The following MRGPRX2 variants were observed in gnomAD, a reference collection of about 807,000 sequenced individuals.
MRGPRX2 encodes mas-related G protein-coupled receptor member X2.
For missense variants in MRGPRX2, 389 were observed against 404.5 expected, an observed-to-expected ratio of 0.96 and a Z score of 0.33; for synonymous variants, 183 against 175.6, an observed-to-expected ratio of 1.04 and a Z score of -0.33.
At position 19,056,425 on chromosome 11, in the gene MRGPRX2, C is replaced by A. The variant is rs550254746; in HGVS notation, c.-23G>T. The A allele has an allele frequency of 6.1e-5, 97 of 1,588,400 alleles. 3 individuals are homozygous for A. The South Asian group carries it at 1.0e-3, about 17-fold the overall frequency. On this transcript the variant is annotated splice_region_variant and 5_prime_UTR_variant, in exon 2 of 2. Transcript: ENST00000329773. ...CATGCTCAGAAAACCTCCACTGGTG[C>A]CCCTGGAAACAAAAACAAGACTTGA...
rs752469941 is a variant in MRGPRX2, at chr11:19,055,640, C to T, written c.763G>A (p.Val255Ile). The change falls in exon 2 of 2, where the codon GTC becomes ATC. Residue 255 changes from valine to isoleucine, a missense_variant. Physicochemically the swap from Val to Ile is conservative, Grantham distance 29. Coordinates refer to ENST00000329773, the MANE Select transcript of MRGPRX2 (RefSeq NM_054030.4). ...LILWIWKDSDVLFCHIHPVSV... is the reference protein window; with the variant it reads ...LILWIWKDSDILFCHIHPVSV... The stretch of plus-strand genomic sequence containing the variant: ...ACTGGATGAATATGACAAAATAAGA[C>T]ATCAGAATCCTTCCAGATCCATAAT... The T allele has an allele frequency of 6.2e-7, 1 of 1,614,138 alleles. No homozygotes were observed. The highest frequency in any genetic ancestry group is 1.1e-5 in the South Asian group (1 of 91,074).
At chr11:19,056,461 C>T (rs568579659) in intron 1 of MRGPRX2, 34 bp from the exon 2 acceptor site, 2 of 1,554,688 alleles carry the variant, frequency 1.3e-6, no homozygotes, top group South Asian at 2.4e-5. Flanking sequence ...GCACCTGCTG[C>T]ATGTTCACTG....
At chr11:19,060,130 G>C (rs983847770) in intron 1 of MRGPRX2, among the ~76,000 whole-genome samples, 1 of 152,180 alleles carries the variant, frequency 6.6e-6, no homozygotes, top group Non-Finnish European at 1.5e-5. Context: ...ACTATCACTT[G>C]CCTTTGAGGG....
At chr11:19,059,507 T>C (rs1849648822) in intron 1 of MRGPRX2, among the ~76,000 whole-genome samples, 1 of 152,144 alleles carries the variant, frequency 6.6e-6, no homozygotes, top group Admixed American at 6.5e-5. Context: ...ACCTATGTAC[T>C]CCCAATCCCT....
chr11:19,057,948 C>T (rs1437265616), intron 1 of MRGPRX2, among the ~76,000 whole-genome samples: 2 of 152,266 alleles, frequency 1.3e-5, no homozygotes, highest in Non-Finnish European at 2.9e-5. Flanking sequence ...CTTGCAGCCC[C>T]ATTGCAAGGG....
chr11:19,056,013 G>A lies in MRGPRX2; in HGVS notation c.390C>T (p.Ser130=), dbSNP rs190356221. The A allele has an allele frequency of 1.4e-5, 23 of 1,614,232 alleles. No individual in the cohort carries two copies. Among genetic ancestry groups the A allele is most frequent in the East Asian group, 1.1e-4 (5 of 44,882 alleles). ...LSTVSTERCL[S]VLWPIWYRCR... Reference sequence around the variant, plus strand: ...AGCGATACCAGATGGGCCACAGGACGGACAGGCAGCGCTCGGTGCTGACGG... The same window carrying A: ...AGCGATACCAGATGGGCCACAGGACAGACAGGCAGCGCTCGGTGCTGACGG... Residue 130 remains serine (S), a synonymous_variant, in exon 2 of 2, where the codon TCC becomes TCT. Coordinates refer to ENST00000329773, the MANE Select transcript of MRGPRX2 (RefSeq NM_054030.4).
At chr11:19,060,497 G>A (rs1849659701) in intron 1 of MRGPRX2, 122 bp downstream of exon 1, 1 of 152,216 alleles carries the variant, frequency 6.6e-6, no homozygotes, top group African/African-American at 2.4e-5. Context: ...TAAGCTGCCA[G>A]CATCCAAAGC....
At chr11:19,057,203 A>T (rs775716368) in intron 1 of MRGPRX2, among the ~76,000 whole-genome samples, 6 of 152,210 alleles carry the variant, frequency 3.9e-5, no homozygotes. Context: ...ACTAAAAAAC[A>T]CACATGTAAA....
Position 19,056,385 on chromosome 11 carries a change from CG to C in MRGPRX2, c.17del (p.Pro6ArgfsTer10). ...CTGTTGTACTTTCTGTTCCCCAGGC[CG>C]GGGTGGTTGGATCCATGCTCAGAAA... Reference protein sequence around the residue: MDPTTPAWGTESTTVN... With the variant: MDPTTXAWGTESTTVN... On this transcript the variant is annotated frameshift_variant, in exon 2 of 2. Transcript: ENST00000329773. LOFTEE classifies it low-confidence loss of function (END_TRUNC). 6.2e-7 allele frequency: 1 copy of C among 1,611,342 alleles called. No homozygotes were observed. Among genetic ancestry groups the C allele is most frequent in the South Asian group, 1.1e-5 (1 of 91,030 alleles).
chr11:19,055,489 T>C lies in MRGPRX2; in HGVS notation c.914A>G (p.Gln305Arg), dbSNP rs764448440. 1.2e-6 allele frequency: 2 copies of C among 1,614,172 alleles called. No homozygotes were observed. The highest frequency in any genetic ancestry group is 1.7e-6 in the Non-Finnish European group (2 of 1,180,020). ...ILKLALQRAL[Q>R]DIAEVDHSEG... is the part of the protein sequence containing the mutation. The stretch of plus-strand genomic sequence containing the variant: ...ACTGTGATCCACCTCAGCAATGTCC[T>C]GCAGAGCCCTCTGGAGAGCCAGCTT... Residue 305 changes from glutamine to arginine, a missense_variant, in exon 2 of 2, where the codon CAG becomes CGG. By Grantham distance (43) the Gln-to-Arg change is conservative. Coordinates refer to ENST00000329773, the MANE Select transcript of MRGPRX2 (RefSeq NM_054030.4).
rs1849660843 is a variant in MRGPRX2 at position 19,060,641 on chromosome 11, G to A, written c.-48C>T. On this transcript the variant is annotated 5_prime_UTR_variant, in exon 1 of 2. Coordinates refer to ENST00000329773, the MANE Select transcript of MRGPRX2 (RefSeq NM_054030.4). Reference sequence around the variant, plus strand: ...TACCTTAACACCCTTCTTTCTACTGGAGTTGGTGAGTTGAGAAGTGCTTTC... The same window carrying A: ...TACCTTAACACCCTTCTTTCTACTGAAGTTGGTGAGTTGAGAAGTGCTTTC... The A allele has an allele frequency of 6.6e-6, 1 of 152,268 alleles. No homozygotes were observed. Among genetic ancestry groups the A allele is most frequent in the Admixed American group, 6.5e-5 (1 of 15,276 alleles). The allele number at this position is 152,268 out of a possible 1,614,324, so 9.4% of individuals were successfully genotyped here.
chr11:19,056,181 G>A lies in MRGPRX2; in HGVS notation c.222C>T (p.Ala74=). 1 of 1,614,146 alleles carries A rather than the reference G, an allele frequency of 6.2e-7. No homozygotes were observed. The highest frequency in any genetic ancestry group is 8.5e-7 in the Non-Finnish European group (1 of 1,179,998). Residue 74 remains alanine, a synonymous_variant, in exon 2 of 2, where the codon GCC becomes GCT. Transcript: ENST00000329773. ...FSVYVLSLAG[A]DFLFLCFQII... is the part of the protein sequence containing the mutation. The stretch of plus-strand genomic sequence containing the variant: ...TCTGGAAGCAGAGGAAGAGGAAGTC[G>A]GCCCCGGCCAGGCTGAGGACGTAGA...
At chr11:19,058,521 C>T (rs528404395) in intron 1 of MRGPRX2, among the ~76,000 whole-genome samples, 2 of 151,688 alleles carry the variant, frequency 1.3e-5, no homozygotes, top group African/African-American at 4.8e-5. Context: ...CCTGGGCTCA[C>T]GCCATTCTCC....
rs369819903 is a variant in MRGPRX2 at position 19,060,311 on chromosome 11, T to C, written c.-26+308A>G. Reference sequence around the variant, plus strand: ...AATCAGTGCAACCTGAGGTTTTAAATAACAATTTAGCTTAGGGAAGTAATG... The same window carrying C: ...AATCAGTGCAACCTGAGGTTTTAAACAACAATTTAGCTTAGGGAAGTAATG... On this transcript the variant is annotated intron_variant, in intron 1 of 1. Transcript: ENST00000329773. Among the ~76,000 whole-genome samples, 138 of 152,358 alleles carry C rather than the reference T, an allele frequency of 9.1e-4. 2 individuals are homozygous for C. Among genetic ancestry groups the C allele is most frequent in the African/African-American group, 3.0e-3 (124 of 41,584 alleles).
At chr11:19,058,490 G>C (rs575196027) in intron 1 of MRGPRX2, among the ~76,000 whole-genome samples, 1 of 150,234 alleles carries the variant, frequency 6.7e-6, no homozygotes, top group African/African-American at 2.5e-5. Context: ...GCTCGATCTC[G>C]GCTCACTGCA....
In MRGPRX2 at chr11:19,060,168, G is replaced by A. The variant is rs114942029; in HGVS notation, c.-26+451C>T. On this transcript the variant is annotated intron_variant, in intron 1 of 1. Transcript: ENST00000329773. ...TCATCATTCCTTAATCCCTGTTCAC[G>A]CCGTTGTAAACAGTCTCTTCACTAA... Among the ~76,000 whole-genome samples the A allele has an allele frequency of 3.3e-3, 499 of 152,218 alleles. 1 individual carries two copies. Among genetic ancestry groups the A allele is most frequent in the African/African-American group, 0.011 (472 of 41,534 alleles).
Position 19,055,277 on chromosome 11 carries a change from T to G in MRGPRX2, c.*133A>C, listed in dbSNP as rs1849601912. On this transcript the variant is annotated 3_prime_UTR_variant, in exon 2 of 2. Transcript: ENST00000329773. ...TAGTGTTTGTTTCATAGGCACTGTC[T>G]CACTTAATCCTCACAAGGACTCTCT... 2.2e-6 allele frequency: 2 copies of G among 915,424 alleles called. No individual in the cohort carries two copies. Among genetic ancestry groups the G allele is most frequent in the Non-Finnish European group, 3.3e-6 (2 of 604,600 alleles). The allele number at this position is 915,424 out of a possible 1,614,324, so 56.7% of individuals were successfully genotyped here.
chr11:19,055,425 T>G lies in MRGPRX2; in HGVS notation c.978A>C (p.Arg326Ser), dbSNP rs758378486. The G allele has an allele frequency of 1.9e-6, 3 of 1,605,812 alleles. No individual in the cohort carries two copies. Among genetic ancestry groups the G allele is most frequent in the South Asian group, 2.2e-5 (2 of 90,916 alleles). The change falls in exon 2 of 2, where the codon AGA becomes AGC. Residue 326 changes from arginine (R) to serine (S), a missense_variant. Physicochemically the swap from Arg to Ser is moderately radical, Grantham distance 110. Coordinates refer to ENST00000329773, the MANE Select transcript of MRGPRX2 (RefSeq NM_054030.4). ...CFRQGTPEMS[R>S]SSLV ...CTGTCCATCTCTACACCAGACTGCT[T>G]CTCGACATCTCCGGGGTGCCCTGAC... is the stretch of plus-strand genomic sequence containing the variant.
chr11:19,058,484 G>A (rs1033199178), intron 1 of MRGPRX2, among the ~76,000 whole-genome samples: 13 of 150,380 alleles, frequency 8.6e-5, no homozygotes, highest in African/African-American at 3.2e-4. Context: ...GCAGTGGCTC[G>A]ATCTCGGCTC....
Sources: allele counts gnomAD v4.1 joint callset (sites outside exome capture counted in the v4.1 genomes callset), GRCh38; gene constraint gnomAD v4.1.1; transcripts MANE v1.5; gene names NCBI Gene and HGNC (gene_info 2026-07-23, HGNC 2026-07-21).